The following NALF1 variants were observed in gnomAD, a reference collection of about 807,000 sequenced individuals.
The protein encoded by NALF1 is NALCN channel auxiliary factor 1.
A neutral mutation model predicts 48.4 loss-of-function variants in NALF1; 3 were observed. The observed-to-expected ratio is 0.06, with a 90% CI of 0.03 to 0.16. The LOEUF is 0.16. Ranked by LOEUF, NALF1 falls within the 10% of genes least tolerant of loss-of-function variation. NALF1 has a pLI of 1.00. For synonymous variants in NALF1, 262 were observed against 245.7 expected, an observed-to-expected ratio of 1.07 and a Z score of -0.62; for missense variants, 526 against 571.5, an observed-to-expected ratio of 0.92 and a Z score of 0.81.
intron 1 of NALF1, among the ~76,000 whole-genome samples, chr13:107,749,987 T>C (rs1253696481): frequency 6.6e-6 from 1 of 152,046 alleles, no homozygotes; most frequent in Non-Finnish European, 1.5e-5. Flanking sequence ...GCCCGGCTAA[T>C]TTTTGTATTT....
At chr13:107,623,552 T>G (rs1054617023) in intron 1 of NALF1, among the ~76,000 whole-genome samples, 1 of 152,276 alleles carries the variant, frequency 6.6e-6, no homozygotes, top group East Asian at 1.9e-4. Flanking sequence ...AAGTCTTATA[T>G]GAAATATAAG....
intron 2 of NALF1, among the ~76,000 whole-genome samples, chr13:107,203,733 A>T (rs1879572617): frequency 6.7e-6 from 1 of 150,174 alleles, no homozygotes; most frequent in South Asian, 2.1e-4. Flanking sequence ...GGCTGATTGA[A>T]CTCCCGTCCC....
chr13:107,199,170 C>T (rs1046623609), intron 2 of NALF1, among the ~76,000 whole-genome samples: 1 of 151,854 alleles, frequency 6.6e-6, no homozygotes, highest in Non-Finnish European at 1.5e-5. Context: ...GGACAGATGT[C>T]ATTATTGGAC....
At chr13:107,363,506 G>A (rs1234939042) in intron 1 of NALF1, among the ~76,000 whole-genome samples, 5 of 152,218 alleles carry the variant, frequency 3.3e-5, no homozygotes, top group Non-Finnish European at 7.3e-5. Flanking sequence ...GGCTGAAGTG[G>A]GAGGACTGTG....
intron 1 of NALF1, among the ~76,000 whole-genome samples, chr13:107,602,429 G>A (rs1878956169): frequency 6.6e-6 from 1 of 152,106 alleles, no homozygotes; most frequent in South Asian, 2.1e-4. Context: ...GGGGTCCTTG[G>A]CCCAGTCACT....
chr13:107,780,144 C>T (rs565686239), intron 1 of NALF1, among the ~76,000 whole-genome samples: 1 of 151,582 alleles, frequency 6.6e-6, no homozygotes, highest in African/African-American at 2.4e-5. Flanking sequence ...CAATCTCCTA[C>T]ATAATTTACT....
At chr13:107,467,185 T>C (rs1287572709) in intron 1 of NALF1, among the ~76,000 whole-genome samples, 1 of 152,190 alleles carries the variant, frequency 6.6e-6, no homozygotes, top group Non-Finnish European at 1.5e-5. Context: ...GGTAGTCTTT[T>C]GAATTTTGAG....
chr13:107,569,484 A>G (rs1162283475), intron 1 of NALF1, among the ~76,000 whole-genome samples: 1 of 151,748 alleles, frequency 6.6e-6, no homozygotes, highest in Non-Finnish European at 1.5e-5. Context: ...AAAAAAAAAG[A>G]AAAAAAGGGC....
intron 1 of NALF1, among the ~76,000 whole-genome samples, chr13:107,838,866 C>CA (rs940015143): frequency 1.3e-5 from 2 of 152,158 alleles, no homozygotes; most frequent in Admixed American, 1.3e-4. Context: ...TATACGACAA[C>CA]AAATCCTCTT....
At chr13:107,559,329 TAAC>T (rs1877576276) in intron 1 of NALF1, among the ~76,000 whole-genome samples, 1 of 151,154 alleles carries the variant, frequency 6.6e-6, no homozygotes, top group Admixed American at 6.6e-5. Context: ...CTCATGACAA[TAAC>T]AACAACAAAA....
chr13:107,294,795 G>A (rs1881693695), intron 1 of NALF1, among the ~76,000 whole-genome samples: 1 of 152,130 alleles, frequency 6.6e-6, no homozygotes. Context: ...CTGTATCTCA[G>A]TAAACCTAAC....
chr13:107,595,814 T>G (rs1386027924), intron 1 of NALF1, among the ~76,000 whole-genome samples: 1 of 152,068 alleles, frequency 6.6e-6, no homozygotes, highest in African/African-American at 2.4e-5. Context: ...CAGAAAGAGT[T>G]CAAGCGTCCT....
chr13:107,460,793 TA>T (rs1014329796), intron 1 of NALF1, among the ~76,000 whole-genome samples: 2 of 152,234 alleles, frequency 1.3e-5, no homozygotes, highest in Non-Finnish European at 2.9e-5. Context: ...AAATTATTCT[TA>T]AAATATATTT....
chr13:107,234,479 C>T (rs1880296529), intron 1 of NALF1, among the ~76,000 whole-genome samples: 2 of 152,142 alleles, frequency 1.3e-5, no homozygotes, highest in African/African-American at 4.8e-5. Context: ...TTTTTATAAA[C>T]ATCAAAGACA....
chr13:107,697,054 A>T (rs1020199740), intron 1 of NALF1, among the ~76,000 whole-genome samples: 5 of 151,782 alleles, frequency 3.3e-5, no homozygotes, highest in Non-Finnish European at 7.4e-5. Context: ...TACAAGGCAT[A>T]AAAAAAACAA....
intron 2 of NALF1, among the ~76,000 whole-genome samples, chr13:107,186,481 C>A (rs1016365588): frequency 1.3e-5 from 2 of 152,278 alleles, no homozygotes; most frequent in South Asian, 2.1e-4. Flanking sequence ...GATTCTCTTG[C>A]CTCAGCCTCC....
chr13:107,755,220 T>C (rs566418232), intron 1 of NALF1, among the ~76,000 whole-genome samples: 1 of 152,196 alleles, frequency 6.6e-6, no homozygotes, highest in Non-Finnish European at 1.5e-5. Flanking sequence ...GGCTCCCTTT[T>C]ATCTTGTAAA....
intron 1 of NALF1, among the ~76,000 whole-genome samples, chr13:107,423,989 G>T (rs989730392): frequency 1.3e-5 from 2 of 151,912 alleles, no homozygotes; most frequent in African/African-American, 4.8e-5. Flanking sequence ...TCTACTGTAG[G>T]CTACTAGATT....
intron 1 of NALF1, among the ~76,000 whole-genome samples, chr13:107,761,787 T>C (rs1258556729): frequency 6.6e-6 from 1 of 152,194 alleles, no homozygotes; most frequent in African/African-American, 2.4e-5. Context: ...ATTCCAATAG[T>C]GGTTCTGTTA....
Sources: allele counts gnomAD v4.1 joint callset (sites outside exome capture counted in the v4.1 genomes callset), GRCh38; gene constraint gnomAD v4.1.1; transcripts MANE v1.5; gene names NCBI Gene and HGNC (gene_info 2026-07-23, HGNC 2026-07-21).